The following TBC1D28 variants were observed in gnomAD, a reference collection of about 807,000 sequenced individuals.
TBC1D28 encodes the protein TBC1 domain family, member 28.
Under a neutral mutation model 29.2 loss-of-function variants are expected in TBC1D28, and 20 were observed. The observed-to-expected ratio is 0.68, with a 90% confidence interval of 0.48 to 0.99. The LOEUF (loss-of-function observed/expected upper bound fraction) is 0.99, where lower values mean the gene tolerates loss of function less well. Among genes scored for constraint, TBC1D28 ranks in the 50% least tolerant of loss-of-function variants. The probability of loss-of-function intolerance (pLI) is 0.00; values close to 1 mark genes in which losing one functional copy is unlikely to be tolerated. For missense variants in TBC1D28, 205 were observed against 243.7 expected (o/e 0.84, Z 1.06); for synonymous variants, 65 against 90.9 (o/e 0.71, Z 1.62).
chr17:18,638,193 G>A, intron 7 of TBC1D28, 120 bp downstream of exon 8: 3 of 1,319,476 alleles, frequency 2.3e-6, no homozygotes, highest in African/African-American at 1.5e-5. Flanking sequence ...CCCAGGATGT[G>A]CATCTGACCA....
chr17:18,641,684 T>C (rs2031775146), exon 2 of TBC1D28: 1 of 375,108 alleles, frequency 2.7e-6, no homozygotes, highest in Non-Finnish European at 4.9e-6. Flanking sequence ...GTCCCCACGA[T>C]GGGCTGTTCT....
rs1352679885 is a variant in TBC1D28 at position 18,638,645 on chromosome 17, C to T, written c.255G>A (p.Trp85Ter). The change falls in exon 6 of 9, where the codon TGG (tryptophan) becomes TGA (stop). Residue 85 changes from tryptophan (W) to a stop codon, truncating the protein, a stop_gained. Transcript: ENST00000345096. LOFTEE classifies it high-confidence loss of function. The stretch of plus-strand genomic sequence containing the variant: ...CCTTCTTGGTGCTCCTATATTTTGT[C>T]CAGTCTGCAAGCATCTTTTGCCACT... The T allele has an allele frequency of 2.1e-5, 34 of 1,614,104 alleles. No individual in the cohort carries two copies. The highest frequency in any genetic ancestry group is 2.8e-5 in the Non-Finnish European group (33 of 1,180,032).
chr17:18,636,692 T>C, intron 8 of TBC1D28, 95 bp from the exon 10 acceptor site: 1 of 1,472,938 alleles, frequency 6.8e-7, no homozygotes. Context: ...CAATTCTGGG[T>C]TCAGATGATC....
At position 18,641,623 on chromosome 17, in the gene TBC1D28, G is replaced by C; in HGVS notation, c.-2+9C>G. The C allele has an allele frequency of 1.2e-5, 6 of 518,984 alleles. No homozygotes were observed. Among genetic ancestry groups the C allele is most frequent in the Non-Finnish European group, 2.1e-5 (6 of 291,710 alleles). The allele number at this position is 518,984 out of a possible 1,614,324, so 32.1% of individuals were successfully genotyped here. A position where few individuals can be genotyped will look rare whatever the true frequency, so the allele number is the denominator to read the frequency against. On this transcript the variant is annotated intron_variant, in intron 2 of 8. Coordinates refer to ENST00000345096, the Ensembl canonical transcript of TBC1D28. ...TATTGTCCCCGAACACCCCAAGGCA[G>C]ACACACACCTGCCCTGGCAGGACAA...
chr17:18,643,334 G>T (rs929181965), upstream of TBC1D28, among the ~76,000 whole-genome samples: 45 of 151,058 alleles, frequency 3.0e-4, no homozygotes, highest in Non-Finnish European at 4.6e-4. Context: ...GCCTTCCAGG[G>T]TGCCATGACT....
In TBC1D28 at chr17:18,638,194, C is replaced by A. The variant is rs578251487; in HGVS notation, c.387+119G>T. On this transcript the variant is annotated intron_variant, in intron 7 of 8. Transcript: ENST00000345096. ...AGTTACCATCTATGCCCAGGATGTG[C>A]ATCTGACCACAGCCCCCACCCCCAA... 4.2e-5 allele frequency: 56 copies of A among 1,324,046 alleles called. No homozygotes were observed. The East Asian group carries it at 6.7e-4, about 16-fold the overall frequency. 82.0% of individuals were successfully genotyped at this position (1,324,046 alleles called of 1,614,324 possible). A position where few individuals can be genotyped will look rare whatever the true frequency, so the allele number is the denominator to read the frequency against.
intron 5 of TBC1D28, 182 bp downstream of exon 6, chr17:18,638,992 CT>C (rs2031642948): frequency 9.3e-7 from 1 of 1,070,310 alleles, no homozygotes; most frequent in African/African-American, 1.6e-5. Context: ...GACTACAGTT[CT>C]TGGTTTGGGT....
At chr17:18,642,159 G>A (rs1448602499) in exon 1 of TBC1D28, 3 of 152,420 alleles carry the variant, frequency 2.0e-5, no homozygotes, top group African/African-American at 7.2e-5. Context: ...CAGTCCCCAA[G>A]CCTCTTTGAC....
chr17:18,638,653 C>T lies in TBC1D28; in HGVS notation c.247G>A (p.Ala83Thr). 1.9e-6 allele frequency: 3 copies of T among 1,614,194 alleles called. No individual in the cohort carries two copies. The Middle Eastern group carries it at 4.9e-4, about 266-fold the overall frequency. ...GTGCTCCTATATTTTGTCCAGTCTG[C>T]AAGCATCTTTTGCCACTTGTTGGTA... The change falls in exon 6 of 9, where the codon GCA becomes ACA. Residue 83 changes from alanine (A) to threonine (T), a missense_variant. Physicochemically the swap from Ala to Thr is moderately conservative, Grantham distance 58. Coordinates refer to ENST00000345096, the Ensembl canonical transcript of TBC1D28.
exon 4 of TBC1D28, chr17:18,641,085 G>T (rs1289946553): frequency 3.0e-6 from 2 of 673,252 alleles, no homozygotes; most frequent in Admixed American, 6.0e-5. Flanking sequence ...CAAGTCCACT[G>T]CTGCCCCAGC....
chr17:18,642,558 A>G (rs1389833063), upstream of TBC1D28: 1 of 151,994 alleles, frequency 6.6e-6, no homozygotes, highest in Non-Finnish European at 1.5e-5. Flanking sequence ...TGGGCCAGTC[A>G]CCGCCTCTCT....
downstream of TBC1D28, among the ~76,000 whole-genome samples, chr17:18,634,308 G>A (rs1275380918): frequency 6.6e-6 from 1 of 151,650 alleles, no homozygotes; most frequent in Admixed American, 6.6e-5. Flanking sequence ...GGAAAACACG[G>A]ATCACTAAGT....
rs182898731 is a variant in TBC1D28 at position 18,638,484 on chromosome 17, G to C, written c.280-64C>G. On this transcript the variant is annotated intron_variant, in intron 6 of 8. Coordinates refer to ENST00000345096, the Ensembl canonical transcript of TBC1D28. ...GGCAACCCCGCAGAGGAAAGCTGGC[G>C]AACAGGCCTGCAGTCCTATGGCAAG... 4.0e-3 allele frequency: 6,299 copies of C among 1,594,568 alleles called. 28 individuals are homozygous for C. The highest frequency in any genetic ancestry group is 5.4e-3 in the Middle Eastern group (32 of 5,956).
At chr17:18,637,583 G>A (rs1175036682) in intron 8 of TBC1D28, among the ~76,000 whole-genome samples, 4 of 148,794 alleles carry the variant, frequency 2.7e-5, no homozygotes, top group African/African-American at 1.0e-4. Context: ...GATAGTTGTG[G>A]GTCATGGAGA....
chr17:18,638,256 A>C (rs921940011), intron 7 of TBC1D28, 57 bp downstream of exon 8: 18 of 1,589,564 alleles, frequency 1.1e-5, no homozygotes, highest in Admixed American at 1.0e-4. Context: ...GAGTCCTGGG[A>C]TCCTGATACA....
intron 8 of TBC1D28, among the ~76,000 whole-genome samples, chr17:18,637,327 G>C (rs1430722592): frequency 2.0e-5 from 2 of 99,244 alleles, no homozygotes; most frequent in Non-Finnish European, 3.8e-5. Context: ...TTACTTGGAC[G>C]TCAGTTTTCA....
exon 9 of TBC1D28, chr17:18,636,309 C>T: frequency 6.9e-7 from 1 of 1,446,780 alleles, no homozygotes; most frequent in Non-Finnish European, 9.1e-7. Flanking sequence ...AGCTCCTAGG[C>T]TTTGGGGCAA....
chr17:18,641,504 C>G, intron 2 of TBC1D28, 128 bp downstream of exon 3: 1 of 841,814 alleles, frequency 1.2e-6, no homozygotes, highest in South Asian at 1.7e-5. Context: ...CTCAGTGGCC[C>G]CACCCCTGAC....
Position 18,641,618 on chromosome 17 carries a change from A to G in TBC1D28, c.-2+14T>C, listed in dbSNP as rs1280680576. 7.5e-5 allele frequency: 40 copies of G among 531,788 alleles called. No individual in the cohort carries two copies. The Admixed American group carries it at 1.2e-3, about 16-fold the overall frequency. 32.9% of individuals were successfully genotyped at this position (531,788 alleles called of 1,614,324 possible). ...AGGCCTATTGTCCCCGAACACCCCAAGGCAGACACACACCTGCCCTGGCAG... is the reference window on the plus strand; with the variant it reads ...AGGCCTATTGTCCCCGAACACCCCAGGGCAGACACACACCTGCCCTGGCAG... On this transcript the variant is annotated intron_variant, in intron 2 of 8. Transcript: ENST00000345096.
Sources: allele counts gnomAD v4.1 joint callset (sites outside exome capture counted in the v4.1 genomes callset), GRCh38; gene constraint gnomAD v4.1.1; transcripts MANE v1.5; gene names NCBI Gene and HGNC (gene_info 2026-07-23, HGNC 2026-07-21).